Variants in MAP3K4 observed in about 807,000 individuals in gnomAD.
MAP3K4 encodes the protein MAP three kinase 1.
Under a neutral mutation model 185.6 loss-of-function variants are expected in MAP3K4, and 67 were observed. The observed-to-expected ratio is 0.36, with a 90% CI of 0.30 to 0.44. The LOEUF (loss-of-function observed/expected upper bound fraction) is 0.44. Ranked by LOEUF, MAP3K4 falls within the 20% of genes least tolerant of loss-of-function variation. The pLI is 1.00. For synonymous variants in MAP3K4, 702 were observed against 710.4 expected (o/e 0.99, Z 0.19); for missense variants, 1,551 against 1,995.1 (o/e 0.78, Z 4.24).
chr6:160,998,594 T>C (rs755340130), intron 1 of MAP3K4, among the ~76,000 whole-genome samples: 7 of 152,242 alleles, frequency 4.6e-5, no homozygotes, highest in African/African-American at 7.2e-5. Flanking sequence ...AGCAAGCTGC[T>C]TTTAAAAAAC....
chr6:161,070,928 TC>T lies in MAP3K4; in HGVS notation c.1950+80del, dbSNP rs1178095827. 7.5e-7 allele frequency: 1 copy of T among 1,329,086 alleles called. No homozygotes were observed. The highest frequency in any genetic ancestry group is 1.5e-5 in the African/African-American group (1 of 67,120). The allele number at this position is 1,329,086 out of a possible 1,614,324, so 82.3% of individuals were successfully genotyped here. On this transcript the variant is annotated intron_variant, in intron 4 of 26. Transcript: ENST00000392142. This position sits in a 1 kb window ranked among gnomAD's most constrained non-coding sequence, Gnocchi z 4.5. ...GGCTTATCATTTTTATTTTGAGAGT[TC>T]CTTTTTTTTTCTTAATTGTCGCAAA...
Position 161,106,993 on chromosome 6 carries a change from G to A in MAP3K4, c.4048+288G>A, listed in dbSNP as rs2114909106. Among the ~76,000 whole-genome samples, 1 of 151,472 alleles carries A rather than the reference G, an allele frequency of 6.6e-6. No homozygotes were observed. Among genetic ancestry groups the A allele is most frequent in the South Asian group, 2.1e-4 (1 of 4,796 alleles). On this transcript the variant is annotated intron_variant, in intron 20 of 26. Coordinates refer to ENST00000392142, the MANE Select transcript of MAP3K4 (RefSeq NM_005922.4). The surrounding 1 kb of genome is among the most constrained non-coding windows in gnomAD (Gnocchi z 4.9). The stretch of plus-strand genomic sequence containing the variant: ...AACCCTGGAATTTGCCAGTGGAGAG[G>A]TACCAAAATTTGACCCATTTGTTCT...
chr6:161,070,574 CT>C lies in MAP3K4; in HGVS notation c.1708-30del. ...ACCGTAGAACGTTGTCTCGTATGCT[CT>C]TTTAATCTGTGCCTGTTGAATTTTT... On this transcript the variant is annotated intron_variant, in intron 3 of 26. Coordinates refer to ENST00000392142, the MANE Select transcript of MAP3K4 (RefSeq NM_005922.4). This position sits in a 1 kb window ranked among gnomAD's most constrained non-coding sequence, Gnocchi z 4.5. The C allele has an allele frequency of 6.2e-7, 1 of 1,604,432 alleles. No homozygotes were observed. The highest frequency in any genetic ancestry group is 8.5e-7 in the Non-Finnish European group (1 of 1,175,280).
chr6:160,997,173 G>T (rs1336473870), intron 1 of MAP3K4, among the ~76,000 whole-genome samples: 3 of 151,894 alleles, frequency 2.0e-5, no homozygotes, highest in Non-Finnish European at 4.4e-5. Context: ...CAGTGGTACG[G>T]TACATTTTTA....
At position 161,116,183 on chromosome 6, in the gene MAP3K4, T is replaced by C. The variant is rs769856171; in HGVS notation, c.4807-667T>C. Among the ~76,000 whole-genome samples, 1 of 151,638 alleles carries C rather than the reference T, an allele frequency of 6.6e-6. No homozygotes were observed. Among genetic ancestry groups the C allele is most frequent in the Non-Finnish European group, 1.5e-5 (1 of 67,892 alleles). On this transcript the variant is annotated intron_variant, in intron 26 of 26. Coordinates refer to ENST00000392142, the MANE Select transcript of MAP3K4 (RefSeq NM_005922.4). The surrounding 1 kb of genome is among the most constrained non-coding windows in gnomAD (Gnocchi z 6.2). ...AGGTCACAGACTCTATTTGCCAGGGTAGGGAAAGAAGCAGCTGGGTGAGGG... is the reference window on the plus strand; with the variant it reads ...AGGTCACAGACTCTATTTGCCAGGGCAGGGAAAGAAGCAGCTGGGTGAGGG...
intron 6 of MAP3K4, among the ~76,000 whole-genome samples, chr6:161,083,208 A>G (rs1229155360): frequency 6.6e-6 from 1 of 152,050 alleles, no homozygotes; most frequent in Non-Finnish European, 1.5e-5. Flanking sequence ...TTCTCGGTAT[A>G]TTTAAGATGG....
Position 161,037,254 on chromosome 6 carries a change from G to C in MAP3K4, c.343+2805G>C, listed in dbSNP as rs1323476428. ...CAGCACAGCATGGTGGACAAAAGCA[G>C]AATCTTGGTTGCTTGATCACCCGGA... is the stretch of plus-strand genomic sequence containing the variant. On this transcript the variant is annotated intron_variant, in intron 2 of 26. Coordinates refer to ENST00000392142, the MANE Select transcript of MAP3K4 (RefSeq NM_005922.4). This position sits in a 1 kb window ranked among gnomAD's most constrained non-coding sequence, Gnocchi z 4.2. 6.6e-6 allele frequency among the ~76,000 whole-genome samples: 1 copy of C among 152,194 alleles called. No individual in the cohort carries two copies.
chr6:160,994,079 G>A (rs1780878773), intron 1 of MAP3K4, among the ~76,000 whole-genome samples: 1 of 151,724 alleles, frequency 6.6e-6, no homozygotes, highest in Non-Finnish European at 1.5e-5. Flanking sequence ...AACCATTTTA[G>A]AGGAGCTCAG....
chr6:161,078,082 T>C (rs899004125), intron 5 of MAP3K4, among the ~76,000 whole-genome samples: 2 of 152,040 alleles, frequency 1.3e-5, no homozygotes, highest in African/African-American at 4.8e-5. Context: ...GACTTCTATT[T>C]TTGTGTGGAG....
intron 3 of MAP3K4, among the ~76,000 whole-genome samples, chr6:161,055,433 A>G (rs1167866931): frequency 1.3e-5 from 2 of 152,210 alleles, no homozygotes; most frequent in South Asian, 4.1e-4. Flanking sequence ...TTGATAGAAA[A>G]TTTGCAAAGA....
Position 161,087,549 on chromosome 6 carries a change from C to A in MAP3K4, c.2557-139C>A. On this transcript the variant is annotated intron_variant, in intron 9 of 26. Coordinates refer to ENST00000392142, the MANE Select transcript of MAP3K4 (RefSeq NM_005922.4). The surrounding 1 kb of genome is among the most constrained non-coding windows in gnomAD (Gnocchi z 4.9). Reference sequence around the variant, plus strand: ...CAGTCACACTGAAGCCGGCTACCTGCAGTTCCCTCACTGCTCCAATTCATG... The same window carrying A: ...CAGTCACACTGAAGCCGGCTACCTGAAGTTCCCTCACTGCTCCAATTCATG... 1 of 799,034 alleles carries A rather than the reference C, an allele frequency of 1.3e-6. No individual in the cohort carries two copies. Among genetic ancestry groups the A allele is most frequent in the Non-Finnish European group, 2.1e-6 (1 of 487,274 alleles). The allele number at this position is 799,034 out of a possible 1,614,324, so 49.5% of individuals were successfully genotyped here.
intron 3 of MAP3K4, among the ~76,000 whole-genome samples, chr6:161,057,609 T>G (rs895017061): frequency 6.6e-6 from 1 of 152,198 alleles, no homozygotes; most frequent in African/African-American, 2.4e-5. Flanking sequence ...AAACCTCCTG[T>G]GTGCCTCACG....
chr6:161,113,581 C>T lies in MAP3K4; in HGVS notation c.4626+807C>T, dbSNP rs1290482937. Among the ~76,000 whole-genome samples, 6 of 151,958 alleles carry T rather than the reference C, an allele frequency of 3.9e-5. No homozygotes were observed. In the East Asian group the frequency reaches 5.8e-4, roughly 15 times the overall value. On this transcript the variant is annotated intron_variant, in intron 25 of 26. Coordinates refer to ENST00000392142, the MANE Select transcript of MAP3K4 (RefSeq NM_005922.4). ...AGTTCTAAAAAATGGAGCACACTAACGCGAACTACACATAGTAGAGGAAAC... is the reference window on the plus strand; with the variant it reads ...AGTTCTAAAAAATGGAGCACACTAATGCGAACTACACATAGTAGAGGAAAC...
At chr6:161,020,526 T>C (rs2115111361) in intron 1 of MAP3K4, among the ~76,000 whole-genome samples, 1 of 151,876 alleles carries the variant, frequency 6.6e-6, no homozygotes, top group East Asian at 1.9e-4. Context: ...GGCGTGGTAG[T>C]GCGCGCCTGT....
chr6:161,039,242 T>C (rs1783324020), intron 2 of MAP3K4, among the ~76,000 whole-genome samples: 1 of 147,208 alleles, frequency 6.8e-6, no homozygotes, highest in Non-Finnish European at 1.5e-5. Context: ...TCAGTCATAC[T>C]GTCTTTGCTT....
chr6:161,003,506 T>C (rs954940083), intron 1 of MAP3K4, among the ~76,000 whole-genome samples: 11 of 152,182 alleles, frequency 7.2e-5, no homozygotes, highest in African/African-American at 2.7e-4. Context: ...TCCACTGGTA[T>C]CTTCTCAAAG....
chr6:161,001,215 AAAAAATATTTAC>A (rs2115047710), intron 1 of MAP3K4, among the ~76,000 whole-genome samples: 1 of 150,578 alleles, frequency 6.6e-6, no homozygotes, highest in East Asian at 1.9e-4. Context: ...AAAAATTTAC[AAAAAATATTTAC>A]AAAAATATTT....
chr6:160,995,820 A>G (rs1024356915), intron 1 of MAP3K4, among the ~76,000 whole-genome samples: 2 of 152,244 alleles, frequency 1.3e-5, no homozygotes, highest in Non-Finnish European at 2.9e-5. Flanking sequence ...CCTAAAACAC[A>G]GAATAAATTG....
At chr6:161,058,214 T>A (rs996608653) in intron 3 of MAP3K4, among the ~76,000 whole-genome samples, 2 of 152,190 alleles carry the variant, frequency 1.3e-5, no homozygotes, top group Admixed American at 1.3e-4. Flanking sequence ...ACACAGTGTT[T>A]TAAATATTTT....
Sources: allele counts gnomAD v4.1 joint callset (sites outside exome capture counted in the v4.1 genomes callset), GRCh38; gene constraint gnomAD v4.1.1; non-coding constraint Gnocchi (gnomAD v3.1); transcripts MANE v1.5; gene names NCBI Gene and HGNC (gene_info 2026-07-23, HGNC 2026-07-21).